Variants in AGPAT3 observed in about 807,000 individuals in gnomAD.
The protein encoded by AGPAT3 is 1-acyl-sn-glycerol-3-phosphate acyltransferase gamma.
AGPAT3 carries 5 observed loss-of-function variants against 47.3 expected under a neutral mutation model. The ratio of observed to expected loss-of-function variants is 0.11; its 90% confidence interval spans 0.06 to 0.22. The LOEUF is 0.22. AGPAT3 is among the 10% of genes least tolerant of loss of function. The probability of loss-of-function intolerance (pLI) is 1.00; values close to 1 mark genes in which losing one functional copy is unlikely to be tolerated. For synonymous variants in AGPAT3, 212 were observed against 208.3 expected (o/e 1.02, Z -0.15); for missense variants, 315 against 493.0 (o/e 0.64, Z 3.42).
chr21:43,942,540 T>A (rs987264799), intron 2 of AGPAT3, among the ~76,000 whole-genome samples: 2 of 152,228 alleles, frequency 1.3e-5, no homozygotes, highest in Non-Finnish European at 2.9e-5. Flanking sequence ...TGGTGTTCAG[T>A]ATGTGACTCT....
At chr21:43,942,767 G>A (rs2087705896) in intron 2 of AGPAT3, among the ~76,000 whole-genome samples, 1 of 152,232 alleles carries the variant, frequency 6.6e-6, no homozygotes, top group South Asian at 2.1e-4. Context: ...GTGGTCAGGT[G>A]GGGTCTTGTC....
chr21:43,885,481 C>T (rs193117493), intron 1 of AGPAT3, among the ~76,000 whole-genome samples: 42 of 151,784 alleles, frequency 2.8e-4, no homozygotes, highest in African/African-American at 9.9e-4. Context: ...CTCCACCTCC[C>T]GGGTTCAAGC....
At chr21:43,901,338 A>G (rs1019062966) in intron 1 of AGPAT3, among the ~76,000 whole-genome samples, 18 of 132,512 alleles carry the variant, frequency 1.4e-4, no homozygotes, top group East Asian at 4.5e-4. Flanking sequence ...AAAAAAAAAA[A>G]AGAGAAGAGA....
intron 2 of AGPAT3, among the ~76,000 whole-genome samples, chr21:43,949,782 T>G (rs1049444972): frequency 2.6e-5 from 4 of 152,244 alleles, no homozygotes; most frequent in African/African-American, 9.6e-5. Context: ...AGGTATTTTC[T>G]CTTTCTTATT....
At chr21:43,865,943 C>T (rs1473160134) in intron 1 of AGPAT3, among the ~76,000 whole-genome samples, 2 of 152,078 alleles carry the variant, frequency 1.3e-5, no homozygotes, top group African/African-American at 2.4e-5. Context: ...GTGGGTTCGG[C>T]CCGGAGACCG....
chr21:43,952,587 C>T lies in AGPAT3; in HGVS notation c.-48-7047C>T, dbSNP rs985667194. Among the ~76,000 whole-genome samples the T allele has an allele frequency of 6.6e-6, 1 of 152,182 alleles. No homozygotes were observed. The highest frequency in any genetic ancestry group is 1.5e-5 in the Non-Finnish European group (1 of 68,014). ...CTTGTGCAGGGGCCAGGACAAAACC[C>T]AAGAAGCAGCCATCACGCCCCAGGA... is the stretch of plus-strand genomic sequence containing the variant. On this transcript the variant is annotated intron_variant, in intron 2 of 9. Transcript: ENST00000291572. The surrounding 1 kb of genome is among the most constrained non-coding windows in gnomAD (Gnocchi z 5.6).
At chr21:43,949,801 C>T (rs763718571) in intron 2 of AGPAT3, among the ~76,000 whole-genome samples, 19 of 152,212 alleles carry the variant, frequency 1.2e-4, no homozygotes, top group African/African-American at 2.7e-4. Context: ...TTGCAATCTG[C>T]GCTCTCCTTC....
chr21:43,935,693 G>A (rs979106060), intron 2 of AGPAT3, among the ~76,000 whole-genome samples: 7 of 152,174 alleles, frequency 4.6e-5, no homozygotes, highest in Non-Finnish European at 8.8e-5. Flanking sequence ...GAAAGGGAAC[G>A]ACTCTCCCAG....
intron 2 of AGPAT3, among the ~76,000 whole-genome samples, chr21:43,921,965 G>A (rs8127341): frequency 0.76 from 115,244 of 151,782 alleles, 43,847 homozygotes; most frequent in Admixed American, 0.83. Flanking sequence ...GTCACCATCA[G>A]TGTGAGTGTT....
At chr21:43,961,568 G>A (rs73906689) in intron 3 of AGPAT3, among the ~76,000 whole-genome samples, 5 of 135,658 alleles carry the variant, frequency 3.7e-5, no homozygotes, top group Non-Finnish European at 6.2e-5. Context: ...AACAGTGAGC[G>A]CGTAGACACT....
At chr21:43,901,810 A>G (rs1339604304) in intron 1 of AGPAT3, among the ~76,000 whole-genome samples, 1 of 152,194 alleles carries the variant, frequency 6.6e-6, no homozygotes, top group Non-Finnish European at 1.5e-5. Context: ...TCTAGAAATG[A>G]AAAATATGCT....
At chr21:43,895,053 A>C (rs2145957945) in intron 1 of AGPAT3, among the ~76,000 whole-genome samples, 1 of 151,234 alleles carries the variant, frequency 6.6e-6, no homozygotes, top group African/African-American at 2.4e-5. Context: ...TGTTTTCCTA[A>C]TTTTTTGAGA....
At position 43,970,012 on chromosome 21, in the gene AGPAT3, CTTTTT is replaced by C. The variant is rs113571387; in HGVS notation, c.511-636_511-632del. Reference sequence around the variant, plus strand: ...GCTTGCCAGCCTGCTGTTAGCATTTCTTTTTTTTTGTTTTGAGACAGAGCCTTAGT... The same window carrying C: ...GCTTGCCAGCCTGCTGTTAGCATTTCTTTTGTTTTGAGACAGAGCCTTAGT... On this transcript the variant is annotated intron_variant, in intron 5 of 9. Transcript: ENST00000291572. The surrounding 1 kb of genome is among the most constrained non-coding windows in gnomAD (Gnocchi z 5.8). Among the ~76,000 whole-genome samples the C allele has an allele frequency of 6.7e-6, 1 of 149,582 alleles. No individual in the cohort carries two copies. The highest frequency in any genetic ancestry group is 2.5e-5 in the African/African-American group (1 of 40,556).
In AGPAT3 at chr21:43,943,105, C is replaced by T. The variant is rs534580659; in HGVS notation, c.-48-16529C>T. 7.0e-4 allele frequency among the ~76,000 whole-genome samples: 106 copies of T among 152,172 alleles called. 2 individuals are homozygous for T. The highest frequency in any genetic ancestry group is 2.4e-3 in the African/African-American group (99 of 41,528). On this transcript the variant is annotated intron_variant, in intron 2 of 9. Coordinates refer to ENST00000291572, the MANE Select transcript of AGPAT3 (RefSeq NM_020132.5). ...TTTGGTGGGGGGCGGGATGGAGTCTCGCTCTGTCGCTCAGGCTGGAGTGCA... is the reference window on the plus strand; with the variant it reads ...TTTGGTGGGGGGCGGGATGGAGTCTTGCTCTGTCGCTCAGGCTGGAGTGCA...
In AGPAT3 at chr21:43,880,924, T is replaced by G. The variant is rs1208897808; in HGVS notation, c.-112+15579T>G. Among the ~76,000 whole-genome samples, 1 of 151,408 alleles carries G rather than the reference T, an allele frequency of 6.6e-6. No individual in the cohort carries two copies. The highest frequency in any genetic ancestry group is 1.5e-5 in the Non-Finnish European group (1 of 67,910). ...TAGCAAGGAAGATTTGTTTTCAGGC[T>G]GGTGGTTTGATTACAAGTTGGTCAT... On this transcript the variant is annotated intron_variant, in intron 1 of 9. Coordinates refer to ENST00000291572, the MANE Select transcript of AGPAT3 (RefSeq NM_020132.5). The surrounding 1 kb of genome is among the most constrained non-coding windows in gnomAD (Gnocchi z 4.5).
intron 2 of AGPAT3, among the ~76,000 whole-genome samples, chr21:43,949,079 T>G (rs969182728): frequency 3.3e-5 from 5 of 152,244 alleles, no homozygotes; most frequent in Non-Finnish European, 7.3e-5. Flanking sequence ...ATGATTTTCC[T>G]GGCTTTTCTT....
chr21:43,960,277 C>T (rs933777928), intron 3 of AGPAT3, among the ~76,000 whole-genome samples: 4 of 152,254 alleles, frequency 2.6e-5, no homozygotes, highest in Non-Finnish European at 4.4e-5. Context: ...TGTCCTGCCT[C>T]CCTGCGTATC....
chr21:43,915,017 T>C (rs1368680601), intron 2 of AGPAT3, among the ~76,000 whole-genome samples: 1 of 152,202 alleles, frequency 6.6e-6, no homozygotes, highest in African/African-American at 2.4e-5. Flanking sequence ...ATGCAATTAT[T>C]TCTGTGAGTT....
Position 43,985,584 on chromosome 21 carries a change from G to GAGCTCACT in AGPAT3, c.*3192_*3193insAGCTCACT, listed in dbSNP as rs1299533099. On this transcript the variant is annotated 3_prime_UTR_variant, in exon 10 of 10. Coordinates refer to ENST00000291572, the MANE Select transcript of AGPAT3 (RefSeq NM_020132.5). ...ACCCAGCTGTGTGTTTCACTCACGT[G>GAGCTCACT]CAATTGAGTAGCTGTTGCCAGGCTG... 3.9e-6 allele frequency: 1 copy of GAGCTCACT among 257,478 alleles called. No individual in the cohort carries two copies. Among genetic ancestry groups the GAGCTCACT allele is most frequent in the Non-Finnish European group, 7.6e-6 (1 of 131,148 alleles). 15.9% of individuals were successfully genotyped at this position (257,478 alleles called of 1,614,324 possible). A position where few individuals can be genotyped will look rare whatever the true frequency, so the allele number is the denominator to read the frequency against.
Sources: gnomAD v4.1 joint callset for allele counts (sites outside exome capture counted in the v4.1 genomes callset) on GRCh38, gnomAD v4.1.1 for gene constraint, Gnocchi (gnomAD v3.1) non-coding constraint, MANE v1.5 for transcripts, NCBI Gene and HGNC (gene_info 2026-07-23, HGNC 2026-07-21) for gene names.